The following TMEM154 variants were observed in gnomAD, a reference collection of about 807,000 sequenced individuals.
TMEM154 encodes the protein transmembrane protein 154.
TMEM154 carries 27 observed loss-of-function variants against 24.5 expected under a neutral mutation model. The observed-to-expected ratio is 1.10, with a 90% confidence interval of 0.81 to 1.52. The LOEUF is 1.52. Ranked by LOEUF, TMEM154 falls within the 40% of genes most tolerant of loss-of-function variation. TMEM154 has a pLI of 0.00. For synonymous variants in TMEM154, 67 were observed against 76.8 expected (o/e 0.87, Z 0.67); for missense variants, 228 against 213.4 (o/e 1.07, Z -0.43).
At chr4:152,669,498 T>C (rs528484539) in intron 1 of TMEM154, 2 of 152,302 alleles carry the variant, frequency 1.3e-5, no homozygotes, top group East Asian at 3.9e-4. Flanking sequence ...GACATACTTA[T>C]ACTAAATTGT....
intron 3 of TMEM154, chr4:152,647,421 G>A (rs1728274283): frequency 2.8e-6 from 2 of 723,356 alleles, no homozygotes; most frequent in Non-Finnish European, 3.4e-6. Flanking sequence ...CTGTTAAGCA[G>A]TTAGTGATCA....
intron 1 of TMEM154, among the ~76,000 whole-genome samples, chr4:152,677,994 A>G (rs771819551): frequency 1.1e-4 from 16 of 152,186 alleles, no homozygotes; most frequent in Non-Finnish European, 1.8e-4. Flanking sequence ...AGCAGGTACG[A>G]GTAGAGCTCC....
rs142282934 is a variant in TMEM154 at position 152,657,872 on chromosome 4, C to A, written c.65-4945G>T. Among the ~76,000 whole-genome samples, 17 of 152,218 alleles carry A rather than the reference C, an allele frequency of 1.1e-4. No homozygotes were observed. In the East Asian group the frequency reaches 2.9e-3, roughly 26 times the overall value. ...AACCCTGTCAACCAAGGATTCTATA[C>A]CCAGCAAAGTTATCCTTCAAAAACA... On this transcript the variant is annotated intron_variant, in intron 1 of 6. Transcript: ENST00000304385.
rs747613909 is a variant in TMEM154 at position 152,628,565 on chromosome 4, TAAAAAAAAAAAAA to T, written c.537-17_537-5del. On this transcript the variant is annotated splice_region_variant and splice_polypyrimidine_tract_variant and intron_variant, in intron 6 of 6. Coordinates refer to ENST00000304385, the MANE Select transcript of TMEM154 (RefSeq NM_152680.3). ...TCAGGTTTAGGATTCACTGTCACTG[TAAAAAAAAAAAAA>T]AAAAAAAAAAAAAACAAAAAAAACA... 4.1e-4 allele frequency: 211 copies of T among 518,598 alleles called. No individual in the cohort carries two copies. The highest frequency in any genetic ancestry group is 5.0e-4 in the Non-Finnish European group (207 of 415,898). 32.1% of individuals were successfully genotyped at this position (518,598 alleles called of 1,614,324 possible).
At chr4:152,658,629 A>G (rs1160349826) in intron 1 of TMEM154, among the ~76,000 whole-genome samples, 1 of 151,942 alleles carries the variant, frequency 6.6e-6, no homozygotes, top group Non-Finnish European at 1.5e-5. Flanking sequence ...CCAGCTAAAA[A>G]TACAAAATTT....
chr4:152,674,111 A>C (rs1472478607), intron 1 of TMEM154, among the ~76,000 whole-genome samples: 1 of 152,170 alleles, frequency 6.6e-6, no homozygotes, highest in Non-Finnish European at 1.5e-5. Flanking sequence ...AGAAATCTCA[A>C]GAAAGCAAGA....
At chr4:152,661,112 G>A (rs946895072) in intron 1 of TMEM154, among the ~76,000 whole-genome samples, 1 of 152,106 alleles carries the variant, frequency 6.6e-6, no homozygotes, top group Non-Finnish European at 1.5e-5. Context: ...GTGAGACAAC[G>A]CTGTTCACAG....
chr4:152,675,156 CA>C (rs368552348), intron 1 of TMEM154, among the ~76,000 whole-genome samples: 909 of 83,126 alleles, frequency 0.011, 4 homozygotes, highest in African/African-American at 0.049. Flanking sequence ...GGCTCCATCT[CA>C]AAAAAAAAAA....
chr4:152,640,686 G>T (rs1752237708), intron 6 of TMEM154, among the ~76,000 whole-genome samples: 1 of 152,064 alleles, frequency 6.6e-6, no homozygotes, highest in Non-Finnish European at 1.5e-5. Context: ...TCTTTAGAAG[G>T]GCAAGAAAAT....
rs763042008 is a variant in TMEM154, at chr4:152,679,963, G to C, written c.-30C>G. ...GCTCGCCTCGGCAGAGGCGCGCTCA[G>C]GATGCTGCGCCGGGCTGCAGCCTCT... On this transcript the variant is annotated 5_prime_UTR_variant, in exon 1 of 7. Coordinates refer to ENST00000304385, the MANE Select transcript of TMEM154 (RefSeq NM_152680.3). 5.0e-6 allele frequency: 8 copies of C among 1,588,780 alleles called. No homozygotes were observed. The highest frequency in any genetic ancestry group is 6.9e-6 in the Non-Finnish European group (8 of 1,165,692).
intron 3 of TMEM154, among the ~76,000 whole-genome samples, chr4:152,645,794 G>A (rs1752357796): frequency 6.6e-6 from 1 of 152,152 alleles, no homozygotes; most frequent in South Asian, 2.1e-4. Context: ...ATCCAGGAAA[G>A]CTGGGCACAG....
chr4:152,678,543 G>A (rs1342038982), intron 1 of TMEM154, among the ~76,000 whole-genome samples: 1 of 146,508 alleles, frequency 6.8e-6, no homozygotes, highest in Admixed American at 6.8e-5. Context: ...GGGGGAGGGG[G>A]GCAGTGGTGG....
At chr4:152,652,967 A>G (rs76494567) in intron 1 of TMEM154, 40 bp from the exon 2 acceptor site, 95,009 of 1,527,802 alleles carry the variant, frequency 0.062, 3,221 homozygotes, top group East Asian at 0.084. Context: ...CCATGGAGAC[A>G]AAGTTAGTAT....
intron 6 of TMEM154, among the ~76,000 whole-genome samples, chr4:152,631,063 C>A (rs1160734511): frequency 1.3e-5 from 2 of 152,172 alleles, no homozygotes; most frequent in African/African-American, 4.8e-5. Flanking sequence ...AACATTGCTA[C>A]ATCTTTGGAA....
At position 152,652,533 on chromosome 4, in the gene TMEM154, C is replaced by T. The variant is rs1293125287; in HGVS notation, c.364+5G>A. The T allele has an allele frequency of 3.1e-6, 5 of 1,595,424 alleles. No homozygotes were observed. The highest frequency in any genetic ancestry group is 2.2e-5 in the South Asian group (2 of 90,724). ...CCTGTAGGCAGGTTTTAGGATAATA[C>T]TCACATGTCTGTAAAGCACTCTGAG... On this transcript the variant is annotated splice_donor_5th_base_variant and intron_variant, in intron 3 of 6. Transcript: ENST00000304385.
intron 3 of TMEM154, chr4:152,646,835 C>G (rs1373539720): frequency 1.5e-6 from 1 of 646,762 alleles, no homozygotes; most frequent in African/African-American, 1.8e-5. Context: ...GAGCAGTGAG[C>G]AAGAGAAAGA....
At position 152,644,413 on chromosome 4, in the gene TMEM154, A is replaced by G. The variant is rs1413315065; in HGVS notation, c.392+2T>C. 1 of 1,614,114 alleles carries G rather than the reference A, an allele frequency of 6.2e-7. No homozygotes were observed. Among genetic ancestry groups the G allele is most frequent in the Non-Finnish European group, 8.5e-7 (1 of 1,179,982 alleles). ...GGATCAGAAGCAGCAGGGAAAACTT[A>G]CACTTTCACGTTTTCACTTCCCAGT... On this transcript the variant is annotated splice_donor_variant, in intron 4 of 6. Transcript: ENST00000304385. LOFTEE classifies it high-confidence loss of function.
intron 4 of TMEM154, 72 bp downstream of exon 4, chr4:152,644,343 A>C: frequency 6.5e-7 from 1 of 1,545,918 alleles, no homozygotes; most frequent in African/African-American, 1.4e-5. Flanking sequence ...AAAACACCTG[A>C]AAAGGCAGCT....
chr4:152,677,064 T>C (rs754300865), intron 1 of TMEM154, among the ~76,000 whole-genome samples: 21 of 152,128 alleles, frequency 1.4e-4, no homozygotes, highest in Non-Finnish European at 2.5e-4. Context: ...GAGCAGAACA[T>C]CTCCTTGAGT....
Sources: gnomAD v4.1 joint callset for allele counts (sites outside exome capture counted in the v4.1 genomes callset) on GRCh38, gnomAD v4.1.1 for gene constraint, MANE v1.5 for transcripts, NCBI Gene and HGNC (gene_info 2026-07-23, HGNC 2026-07-21) for gene names.